The following CNTLN variants were observed in gnomAD, a reference collection of about 807,000 sequenced individuals.
CNTLN encodes the protein centlein.
CNTLN carries 212 observed loss-of-function variants against 180.0 expected under a neutral mutation model. The ratio of observed to expected loss-of-function variants is 1.18; its 90% CI spans 1.05 to 1.32. The LOEUF is 1.32. CNTLN is among the 40% of genes most tolerant of loss of function. CNTLN has a pLI of 0.00. For synonymous variants in CNTLN, 722 were observed against 563.1 expected (o/e 1.28, Z -3.99); for missense variants, 2,095 against 1,610.9 (o/e 1.30, Z -5.14).
At chr9:17,399,874 T>C (rs191663108) in intron 15 of CNTLN, among the ~76,000 whole-genome samples, 1 of 152,300 alleles carries the variant, frequency 6.6e-6, no homozygotes, top group Admixed American at 6.5e-5. Context: ...CCACACTAAG[T>C]GTCCCCCAGT....
chr9:17,289,921 T>C (rs1208850964), intron 6 of CNTLN, among the ~76,000 whole-genome samples: 1 of 146,110 alleles, frequency 6.8e-6, no homozygotes, highest in Non-Finnish European at 1.5e-5. Flanking sequence ...TAAATTTTTT[T>C]CAAAGTTTTC....
At chr9:17,385,143 G>C (rs1290380336) in intron 13 of CNTLN, among the ~76,000 whole-genome samples, 2 of 152,202 alleles carry the variant, frequency 1.3e-5, no homozygotes, top group Non-Finnish European at 2.9e-5. Context: ...AAATAGAAGA[G>C]TTGCATAGTT....
intron 2 of CNTLN, among the ~76,000 whole-genome samples, chr9:17,189,107 G>C: frequency 8.8e-6 from 1 of 113,536 alleles, no homozygotes; most frequent in Non-Finnish European, 1.7e-5. Flanking sequence ...TTTTGAGATG[G>C]AGCATCCCTC....
Position 17,502,535 on chromosome 9 carries a change from T to G in CNTLN, c.4120-16T>G. 1 of 1,152,196 alleles carries G rather than the reference T, an allele frequency of 8.7e-7. No homozygotes were observed. Among genetic ancestry groups the G allele is most frequent in the Non-Finnish European group, 1.2e-6 (1 of 803,444 alleles). 71.4% of individuals were successfully genotyped at this position (1,152,196 alleles called of 1,614,324 possible). On this transcript the variant is annotated splice_polypyrimidine_tract_variant and intron_variant, in intron 25 of 25. Coordinates refer to ENST00000380647, the MANE Select transcript of CNTLN (RefSeq NM_017738.4). ...AATATAGAGTTTTAATAATCTTTTT[T>G]GTGTTTCTTTTACAGCTTCCTTTTG...
intron 2 of CNTLN, among the ~76,000 whole-genome samples, chr9:17,190,991 A>T (rs1169332480): frequency 6.6e-6 from 1 of 152,206 alleles, no homozygotes; most frequent in Non-Finnish European, 1.5e-5. Context: ...TAATGCCCTT[A>T]CTACCTCTCA....
At chr9:17,258,808 T>G (rs886303105) in intron 5 of CNTLN, among the ~76,000 whole-genome samples, 1 of 145,488 alleles carries the variant, frequency 6.9e-6, no homozygotes, top group Admixed American at 6.8e-5. Context: ...TGCTTGTGAT[T>G]TTTGTACATT....
At position 17,143,343 on chromosome 9, in the gene CNTLN, A is replaced by G. The variant is rs1818233789; in HGVS notation, c.416A>G (p.Asp139Gly). ...AAACGTCTCCAGGTTACAAACCCAG[A>G]TCTCACACAAGTGGTCAGTTTGGTT... ...LWKRLQVTNP[D>G]LTQVVSLVVE... Residue 139 changes from aspartate to glycine, a missense_variant, in exon 2 of 26, where the codon GAT becomes GGT. Physicochemically the swap from Asp to Gly is moderately conservative, Grantham distance 94 (BLOSUM62 -1). Transcript: ENST00000380647. 1.9e-6 allele frequency: 3 copies of G among 1,613,658 alleles called. No homozygotes were observed. Among genetic ancestry groups the G allele is most frequent in the Admixed American group, 1.7e-5 (1 of 59,992 alleles).
chr9:17,330,251 A>T (rs1316642745), intron 8 of CNTLN, among the ~76,000 whole-genome samples: 1 of 152,034 alleles, frequency 6.6e-6, no homozygotes, highest in Non-Finnish European at 1.5e-5. Flanking sequence ...ATTCTATGGT[A>T]TTGTATGACT....
chr9:17,266,791 A>T (rs1184096797), intron 5 of CNTLN, among the ~76,000 whole-genome samples: 1 of 152,140 alleles, frequency 6.6e-6, no homozygotes, highest in Non-Finnish European at 1.5e-5. Flanking sequence ...ACCATTATGT[A>T]ATGGCCTTCT....
At chr9:17,323,825 A>G (rs1223567757) in intron 8 of CNTLN, among the ~76,000 whole-genome samples, 3 of 152,176 alleles carry the variant, frequency 2.0e-5, no homozygotes, top group African/African-American at 4.8e-5. Context: ...TTCCCAGTAG[A>G]ATAAATTTAA....
intron 16 of CNTLN, 33 bp from the exon 17 acceptor site, chr9:17,415,755 A>G: frequency 3.2e-6 from 4 of 1,269,302 alleles, no homozygotes; most frequent in Non-Finnish European, 4.6e-6. Flanking sequence ...TTATTGAAGA[A>G]TAATACCATT....
intron 6 of CNTLN, among the ~76,000 whole-genome samples, 168 bp downstream of exon 6, chr9:17,274,034 G>T (rs1336461590): frequency 6.6e-6 from 1 of 152,050 alleles, no homozygotes; most frequent in Non-Finnish European, 1.5e-5. Context: ...TTGAAAAATT[G>T]CCTGGAAGAA....
At chr9:17,500,098 A>G (rs981397394) in intron 25 of CNTLN, among the ~76,000 whole-genome samples, 3 of 152,174 alleles carry the variant, frequency 2.0e-5, no homozygotes, top group Non-Finnish European at 2.9e-5. Flanking sequence ...CTGCATTTTG[A>G]TTTAAGGATT....
intron 16 of CNTLN, among the ~76,000 whole-genome samples, chr9:17,413,574 T>C (rs1828012195): frequency 6.6e-6 from 1 of 152,038 alleles, no homozygotes; most frequent in South Asian, 2.1e-4. Context: ...AGGAAGAAAT[T>C]AAACAATCCA....
chr9:17,409,948 C>G (rs1164160243), intron 16 of CNTLN, among the ~76,000 whole-genome samples: 3 of 152,094 alleles, frequency 2.0e-5, no homozygotes, highest in Non-Finnish European at 2.9e-5. Context: ...AAATGTTTAC[C>G]TATTTAACAT....
At chr9:17,479,429 G>T (rs980653675) in intron 23 of CNTLN, among the ~76,000 whole-genome samples, 2 of 152,186 alleles carry the variant, frequency 1.3e-5, no homozygotes, top group Admixed American at 6.5e-5. Context: ...GTGAAAAAAA[G>T]CCAGTTACAG....
chr9:17,393,807 T>G (rs1378545444), intron 14 of CNTLN, among the ~76,000 whole-genome samples: 2 of 152,184 alleles, frequency 1.3e-5, no homozygotes, highest in Non-Finnish European at 2.9e-5. Context: ...AGACTTATGA[T>G]ACTTAGATTA....
chr9:17,426,296 G>C (rs1829079554), intron 18 of CNTLN, among the ~76,000 whole-genome samples: 1 of 152,194 alleles, frequency 6.6e-6, no homozygotes, highest in Non-Finnish European at 1.5e-5. Context: ...CACGGGCCCA[G>C]AGTGCAAAGG....
intron 14 of CNTLN, among the ~76,000 whole-genome samples, chr9:17,391,021 T>C (rs1826072254): frequency 6.6e-6 from 1 of 152,150 alleles, no homozygotes; most frequent in Non-Finnish European, 1.5e-5. Context: ...GAGAAATACA[T>C]AACATTTATT....
Sources: allele counts gnomAD v4.1 joint callset (sites outside exome capture counted in the v4.1 genomes callset), GRCh38; gene constraint gnomAD v4.1.1; transcripts MANE v1.5; gene names NCBI Gene and HGNC (gene_info 2026-07-23, HGNC 2026-07-21).